Variants in ADAMTS7 observed in about 807,000 individuals in gnomAD.
The protein encoded by ADAMTS7 is A disintegrin and metalloproteinase with thrombospondin motifs 7.
A neutral mutation model predicts 172.6 loss-of-function variants in ADAMTS7; 89 were observed. The ratio of observed to expected loss-of-function variants is 0.52; its 90% confidence interval spans 0.43 to 0.61. ADAMTS7 has a LOEUF of 0.61. Among genes scored for constraint, ADAMTS7 ranks in the 20% least tolerant of loss-of-function variants. The pLI is 0.00. For synonymous variants in ADAMTS7, 885 were observed against 978.4 expected (o/e 0.90, Z 1.78); for missense variants, 1,973 against 2,355.6 (o/e 0.84, Z 3.36).
rs574473911 is a variant in ADAMTS7 at position 78,777,011 on chromosome 15, C to T, written c.1468-170G>A. On this transcript the variant is annotated intron_variant, in intron 9 of 23. Transcript: ENST00000388820. ...GCCTGCTCCCACCTTCCTCCCCGGACCATGTGGTGGTGTGGGGCGCCCGGG... is the reference window on the plus strand; with the variant it reads ...GCCTGCTCCCACCTTCCTCCCCGGATCATGTGGTGGTGTGGGGCGCCCGGG... 1.6e-5 allele frequency: 10 copies of T among 634,792 alleles called. No individual in the cohort carries two copies. In the African/African-American group the frequency reaches 1.8e-4, roughly 11 times the overall value. The allele number at this position is 634,792 out of a possible 1,614,324, so 39.3% of individuals were successfully genotyped here.
At position 78,765,744 on chromosome 15, in the gene ADAMTS7, A is replaced by G. The variant is rs748734392; in HGVS notation, c.4167T>C (p.Pro1389=). The G allele has an allele frequency of 4.3e-6, 7 of 1,610,566 alleles. No individual in the cohort carries two copies. The highest frequency in any genetic ancestry group is 5.1e-6 in the Non-Finnish European group (6 of 1,179,804). Residue 1389 remains proline (P), a synonymous_variant, in exon 19 of 24, where the codon CCT becomes CCC. Transcript: ENST00000388820. ...WDSPANSHRV[P]ETQPLAPSLA... is the part of the protein sequence containing the mutation. ...GGCTGGGAGCCAGCGGCTGGGTCTC[A>G]GGGACTCTGTGGCTGTTGGCGGGGC...
chr15:78,768,341 C>G, intron 16 of ADAMTS7, 82 bp from the exon 17 acceptor site: 3 of 1,584,380 alleles, frequency 1.9e-6, no homozygotes, highest in Non-Finnish European at 2.6e-6. Flanking sequence ...CTGCCAGAAC[C>G]CTCCCAGAAC....
At position 78,791,269 on chromosome 15, in the gene ADAMTS7, A is replaced by G. The variant is rs781110757; in HGVS notation, c.820-46T>C. The stretch of plus-strand genomic sequence containing the variant: ...TCAGGTTGTCACGAGGATGAAGGAT[A>G]CAAGCAGCCAATGCCCACCCCAACC... On this transcript the variant is annotated intron_variant, in intron 4 of 23. Coordinates refer to ENST00000388820, the MANE Select transcript of ADAMTS7 (RefSeq NM_014272.5). 5 of 1,567,958 alleles carry G rather than the reference A, an allele frequency of 3.2e-6. No individual in the cohort carries two copies. The African/African-American group carries it at 6.7e-5, about 21-fold the overall frequency.
chr15:78,801,198 C>T (rs561478006), intron 1 of ADAMTS7, among the ~76,000 whole-genome samples: 1 of 152,318 alleles, frequency 6.6e-6, no homozygotes, highest in South Asian at 2.1e-4. Flanking sequence ...TCTTACTCTA[C>T]TCATCGTCTC....
Position 78,774,727 on chromosome 15 carries a change from G to T in ADAMTS7, c.1773C>A (p.Ala591=), listed in dbSNP as rs747814775. Residue 591 remains alanine (A), a synonymous_variant, in exon 12 of 24, where the codon GCC becomes GCA. Transcript: ENST00000388820. ...GGAAGGAGGGGCGGCCAGCAGGGCA[G>T]GCCTGCAGGTTGCAGAGGCGGAAGC... ...RKRFRLCNLQ[A]CPAGRPSFRH... The T allele has an allele frequency of 6.2e-7, 1 of 1,611,646 alleles. No homozygotes were observed. Among genetic ancestry groups the T allele is most frequent in the South Asian group, 1.1e-5 (1 of 90,990 alleles).
At chr15:78,775,009 C>T (rs1045616733) in intron 11 of ADAMTS7, among the ~76,000 whole-genome samples, 18 of 152,222 alleles carry the variant, frequency 1.2e-4, no homozygotes, top group African/African-American at 4.3e-4. Context: ...AGCAGGAAGC[C>T]TGAGCTCTGC....
Position 78,770,926 on chromosome 15 carries a change from G to A in ADAMTS7, c.2518+236C>T, listed in dbSNP as rs971610934. On this transcript the variant is annotated intron_variant, in intron 16 of 23. Coordinates refer to ENST00000388820, the MANE Select transcript of ADAMTS7 (RefSeq NM_014272.5). The stretch of plus-strand genomic sequence containing the variant: ...CCCTGGAGGGAGAACGCCAAGAGCT[G>A]GAGCACACTGAACATGCGCCGCGAG... 4 of 574,354 alleles carry A rather than the reference G, an allele frequency of 7.0e-6. No individual in the cohort carries two copies. In the African/African-American group the frequency reaches 7.5e-5, roughly 11 times the overall value. The allele number at this position is 574,354 out of a possible 1,614,324, so 35.6% of individuals were successfully genotyped here. A position where few individuals can be genotyped will look rare whatever the true frequency, so the allele number is the denominator to read the frequency against.
chr15:78,803,822 A>G (rs2055755892), intron 1 of ADAMTS7, among the ~76,000 whole-genome samples: 1 of 152,264 alleles, frequency 6.6e-6, no homozygotes, highest in African/African-American at 2.4e-5. Context: ...CTGTAATGAG[A>G]TAGAAAAATA....
At position 78,762,558 on chromosome 15, in the gene ADAMTS7, C is replaced by G. The variant is rs7495616; in HGVS notation, c.4748G>C (p.Gly1583Ala). ...WVVGPWGQCS[G>A]PCGGGVQRRL... is the part of the protein sequence containing the mutation. Reference sequence around the variant, plus strand: ...CCGCTGGACACCACCACCACAGGGGCCTGAGCACTGAGGGGAGCGGGGGAG... The same window carrying G: ...CCGCTGGACACCACCACCACAGGGGGCTGAGCACTGAGGGGAGCGGGGGAG... Residue 1583 changes from glycine to alanine, a missense_variant, in exon 23 of 24, where the codon GGC (glycine) becomes GCC (alanine). Transcript: ENST00000388820. 1,099,653 of 1,505,548 alleles carry G rather than the reference C, an allele frequency of 0.73. 405,827 individuals carry two copies. The highest frequency in any genetic ancestry group is 0.76 in the Non-Finnish European group (847,681 of 1,121,356). 93.3% of individuals were successfully genotyped at this position (1,505,548 alleles called of 1,614,324 possible).
chr15:78,759,601 C>T (rs2055009568), intron 23 of ADAMTS7, 23 bp from the exon 24 acceptor site: 1 of 1,558,032 alleles, frequency 6.4e-7, no homozygotes, highest in East Asian at 2.3e-5. Context: ...GGCAGAGAGG[C>T]ATCAGAACCA....
intron 1 of ADAMTS7, among the ~76,000 whole-genome samples, chr15:78,807,540 G>C (rs1323785087): frequency 6.6e-6 from 1 of 152,202 alleles, no homozygotes. Context: ...GGCTGTGTTT[G>C]AATCCCAGCT....
rs1318537417 is a variant in ADAMTS7, at chr15:78,806,091, A to ACACACACACAC, written c.100+5029_100+5030insGTGTGTGTGTG. ...CGAGACTCTGACTCCCCCCCCCAAA[A>ACACACACACAC]ACACACACACACACACACACACACA... On this transcript the variant is annotated intron_variant, in intron 1 of 23. Transcript: ENST00000388820. 2.8e-3 allele frequency among the ~76,000 whole-genome samples: 76 copies of ACACACACACAC among 27,430 alleles called. 5 individuals are homozygous for ACACACACACAC. Among genetic ancestry groups the ACACACACACAC allele is most frequent in the African/African-American group, 9.5e-3 (64 of 6,732 alleles). 18.0% of individuals were successfully genotyped at this position (27,430 alleles called of 152,430 possible).
chr15:78,808,455 C>A (rs1231587935), intron 1 of ADAMTS7, among the ~76,000 whole-genome samples: 1 of 152,064 alleles, frequency 6.6e-6, no homozygotes, highest in East Asian at 1.9e-4. Flanking sequence ...AGGCTGGTTT[C>A]GAACTCCTGG....
rs28706778 is a variant in ADAMTS7, at chr15:78,765,212, C to G, written c.4266+433G>C. On this transcript the variant is annotated intron_variant, in intron 19 of 23. Transcript: ENST00000388820. ...GGACCCAGGGAGGGGCACTAGCCAG[C>G]TTCTTTCTGGCAGCTCAGACCCCTG... 1,294 of 239,788 alleles carry G rather than the reference C, an allele frequency of 5.4e-3. 19 individuals carry two copies. The highest frequency in any genetic ancestry group is 0.027 in the African/African-American group (1,177 of 43,672). 14.9% of individuals were successfully genotyped at this position (239,788 alleles called of 1,614,324 possible). A position where few individuals can be genotyped will look rare whatever the true frequency, so the allele number is the denominator to read the frequency against.
At chr15:78,800,013 A>G (rs1234430593) in intron 2 of ADAMTS7, among the ~76,000 whole-genome samples, 179 bp downstream of exon 2, 5 of 151,990 alleles carry the variant, frequency 3.3e-5, no homozygotes, top group Admixed American at 1.3e-4. Context: ...GAGAACTGTT[A>G]TCCTAGAGAT....
At chr15:78,772,880 A>G (rs2141484256) in intron 14 of ADAMTS7, among the ~76,000 whole-genome samples, 1 of 152,364 alleles carries the variant, frequency 6.6e-6, no homozygotes, top group South Asian at 2.1e-4. Context: ...CTGGGACAGG[A>G]GGACTCCCCA....
Position 78,774,558 on chromosome 15 carries a change from G to A in ADAMTS7, c.1876+66C>T. The A allele has an allele frequency of 2.5e-6, 4 of 1,606,852 alleles. No individual in the cohort carries two copies. The South Asian group carries it at 3.3e-5, about 13-fold the overall frequency. ...CTGGGCCTCCTGCTCGCATCACAGG[G>A]TAACCTTGGACCCACACACCCCCAG... On this transcript the variant is annotated intron_variant, in intron 12 of 23. Coordinates refer to ENST00000388820, the MANE Select transcript of ADAMTS7 (RefSeq NM_014272.5).
chr15:78,808,775 G>C (rs2055829344), intron 1 of ADAMTS7, among the ~76,000 whole-genome samples: 2 of 152,168 alleles, frequency 1.3e-5, no homozygotes, highest in Admixed American at 6.5e-5. Context: ...AGTGACAGTG[G>C]GATGGCAACA....
chr15:78,799,745 T>C (rs889534804), intron 2 of ADAMTS7, among the ~76,000 whole-genome samples: 4 of 152,214 alleles, frequency 2.6e-5, no homozygotes, highest in Admixed American at 6.5e-5. Flanking sequence ...GTTTGGGCGC[T>C]ATCCCAGACC....
Sources: gnomAD v4.1 joint callset for allele counts (sites outside exome capture counted in the v4.1 genomes callset) on GRCh38, gnomAD v4.1.1 for gene constraint, MANE v1.5 for transcripts, NCBI Gene and HGNC (gene_info 2026-07-23, HGNC 2026-07-21) for gene names.